The following FGF1 variants were observed in gnomAD, a reference collection of about 807,000 sequenced individuals.
FGF1 encodes fibroblast growth factor 1, also known as beta-endothelial cell growth factor.
In FGF1, 9 loss-of-function variants were observed where a neutral mutation model predicts 13.4. The ratio of observed to expected loss-of-function variants is 0.67; its 90% confidence interval spans 0.40 to 1.17. FGF1 has a LOEUF of 1.17. Ranked by LOEUF, FGF1 falls within the 50% of genes most tolerant of loss-of-function variation. The pLI, the probability that FGF1 is intolerant of heterozygous loss-of-function variation, is 0.01. For synonymous variants in FGF1, 93 were observed against 79.0 expected, an observed-to-expected ratio of 1.18 and a Z score of -0.94; for missense variants, 156 against 192.7, an observed-to-expected ratio of 0.81 and a Z score of 1.13.
At chr5:142,618,309 G>A (rs1454670970) in intron 1 of FGF1, among the ~76,000 whole-genome samples, 1 of 152,156 alleles carries the variant, frequency 6.6e-6, no homozygotes, top group Non-Finnish European at 1.5e-5. Flanking sequence ...CCTGAACTCT[G>A]ACACATGAAC....
chr5:142,622,178 A>G (rs1462021112), intron 1 of FGF1, among the ~76,000 whole-genome samples: 1 of 152,230 alleles, frequency 6.6e-6, no homozygotes, highest in African/African-American at 2.4e-5. Context: ...ACATCTGTTG[A>G]ATGGGCAAAT....
intron 1 of FGF1, among the ~76,000 whole-genome samples, chr5:142,629,352 CA>C (rs1407568270): frequency 1.3e-5 from 2 of 152,138 alleles, no homozygotes; most frequent in African/African-American, 2.4e-5. Context: ...TTAGTAGAGA[CA>C]AGGTCTCGCT....
intron 1 of FGF1, among the ~76,000 whole-genome samples, chr5:142,636,150 G>A (rs4912870): frequency 0.27 from 41,112 of 152,104 alleles, 5,950 homozygotes; most frequent in African/African-American, 0.36. Flanking sequence ...CAGTGAGACG[G>A]GAGGCACGGG....
intron 1 of FGF1, among the ~76,000 whole-genome samples, chr5:142,684,343 C>T (rs1024552142): frequency 6.6e-6 from 1 of 152,216 alleles, no homozygotes; most frequent in Non-Finnish European, 1.5e-5. Flanking sequence ...TTCCTTGATC[C>T]TTTGCAGAAC....
At position 142,622,707 on chromosome 5, in the gene FGF1, C is replaced by G. The variant is rs887435218; in HGVS notation, c.-34-8546G>C. Among the ~76,000 whole-genome samples the G allele has an allele frequency of 3.7e-4, 57 of 152,206 alleles. 1 individual carries two copies. Among genetic ancestry groups the G allele is most frequent in the African/African-American group, 1.1e-3 (46 of 41,436 alleles). ...GCGTGTTAGGCTGGCAGGGCCCCAC[C>G]TTCCACTCCCTGGTGAAGGAAAGTT... On this transcript the variant is annotated intron_variant, in intron 1 of 3. Transcript: ENST00000337706.
chr5:142,636,613 G>A (rs1427662999), intron 1 of FGF1, among the ~76,000 whole-genome samples: 1 of 152,218 alleles, frequency 6.6e-6, no homozygotes, highest in East Asian at 1.9e-4. Flanking sequence ...TGAATGAACT[G>A]AGTATTATAG....
chr5:142,598,598 GC>G, intron 3 of FGF1, among the ~76,000 whole-genome samples: 1 of 151,998 alleles, frequency 6.6e-6, no homozygotes, highest in East Asian at 1.9e-4. Flanking sequence ...TTGATATATA[GC>G]CTTTCAAACT....
intron 2 of FGF1, among the ~76,000 whole-genome samples, chr5:142,609,394 CTAAT>C (rs1758568138): frequency 6.6e-6 from 1 of 151,260 alleles, no homozygotes; most frequent in Non-Finnish European, 1.5e-5. Flanking sequence ...AAATTATTCT[CTAAT>C]TATTGTTGCA....
chr5:142,654,431 G>A (rs1410813578), intron 1 of FGF1, among the ~76,000 whole-genome samples: 4 of 152,194 alleles, frequency 2.6e-5, no homozygotes, highest in African/African-American at 2.4e-5. Context: ...TGAACTGCTC[G>A]ATAGTTCATT....
intron 1 of FGF1, among the ~76,000 whole-genome samples, chr5:142,676,505 G>A (rs1301459584): frequency 6.6e-6 from 1 of 152,220 alleles, no homozygotes; most frequent in Non-Finnish European, 1.5e-5. Flanking sequence ...AAGAGGTTGT[G>A]TAACTTGACC....
intron 2 of FGF1, among the ~76,000 whole-genome samples, chr5:142,611,379 G>A (rs539327292): frequency 6.6e-6 from 1 of 152,262 alleles, no homozygotes; most frequent in African/African-American, 2.4e-5. Context: ...CCATTCCACA[G>A]GTGAGGAAAC....
chr5:142,657,734 C>T (rs1181438571), intron 1 of FGF1, among the ~76,000 whole-genome samples: 1 of 152,242 alleles, frequency 6.6e-6, no homozygotes, highest in Non-Finnish European at 1.5e-5. Flanking sequence ...GGACTCTCAG[C>T]CCAGTGGGCA....
At position 142,652,358 on chromosome 5, in the gene FGF1, A is replaced by G. The variant is rs922403179; in HGVS notation, c.-35+33599T>C. ...ATGAAGAAACACAAGAGGCGCTGGG[A>G]CATTCAGAAGTCACCTAGTGCTATG... On this transcript the variant is annotated intron_variant, in intron 1 of 3. Transcript: ENST00000337706. Among the ~76,000 whole-genome samples, 6 of 152,322 alleles carry G rather than the reference A, an allele frequency of 3.9e-5. No homozygotes were observed. In the South Asian group the frequency reaches 1.2e-3, roughly 32 times the overall value.
chr5:142,680,617 G>C (rs1773532820), intron 1 of FGF1: 1 of 152,156 alleles, frequency 6.6e-6, no homozygotes, highest in Admixed American at 6.5e-5. Context: ...TGAGAGACTA[G>C]CCCAAGCATA....
At chr5:142,687,907 C>A (rs565499215), upstream of FGF1, among the ~76,000 whole-genome samples, 2 of 152,218 alleles carry the variant, frequency 1.3e-5, no homozygotes, top group Non-Finnish European at 2.9e-5. Flanking sequence ...AGATTCCCCC[C>A]CTCCTAGTGG....
intron 2 of FGF1, among the ~76,000 whole-genome samples, chr5:142,606,481 G>C (rs1295759041): frequency 2.6e-5 from 4 of 151,818 alleles, no homozygotes; most frequent in Non-Finnish European, 5.9e-5. Flanking sequence ...AAATTAGCCA[G>C]ATGTGTTGGT....
intron 1 of FGF1, among the ~76,000 whole-genome samples, chr5:142,618,231 C>A (rs754027870): frequency 1.3e-5 from 2 of 152,112 alleles, no homozygotes; most frequent in Non-Finnish European, 2.9e-5. Context: ...GTTAGAGGAA[C>A]ACCAAGCCTA....
intron 1 of FGF1, among the ~76,000 whole-genome samples, chr5:142,620,923 T>G (rs1761458986): frequency 6.6e-6 from 1 of 152,208 alleles, no homozygotes; most frequent in Non-Finnish European, 1.5e-5. Flanking sequence ...CTCCCACCTG[T>G]TCAGTTGGTG....
At chr5:142,595,794 T>C (rs1755126276) in intron 3 of FGF1, among the ~76,000 whole-genome samples, 1 of 152,260 alleles carries the variant, frequency 6.6e-6, no homozygotes, top group African/African-American at 2.4e-5. Flanking sequence ...CTCAGGACTC[T>C]AGAATCTCCC....
Sources: allele counts gnomAD v4.1 joint callset (sites outside exome capture counted in the v4.1 genomes callset), GRCh38; gene constraint gnomAD v4.1.1; transcripts MANE v1.5; gene names NCBI Gene and HGNC (gene_info 2026-07-23, HGNC 2026-07-21).